Variants in PDLIM5 observed in about 807,000 individuals in gnomAD.
PDLIM5 encodes PDZ and LIM domain 5, also known as PDZ and LIM domain protein 5.
PDLIM5 carries 34 observed loss-of-function variants against 64.2 expected under a neutral mutation model. The ratio of observed to expected loss-of-function variants is 0.53; its 90% CI spans 0.40 to 0.71. The LOEUF (loss-of-function observed/expected upper bound fraction) is 0.71. Among genes scored for constraint, PDLIM5 ranks in the 30% least tolerant of loss-of-function variants. The pLI is 0.00. For synonymous variants in PDLIM5, 253 were observed against 269.1 expected, an observed-to-expected ratio of 0.94 and a Z score of 0.59; for missense variants, 683 against 733.6, an observed-to-expected ratio of 0.93 and a Z score of 0.80.
intron 2 of PDLIM5, among the ~76,000 whole-genome samples, chr4:94,505,719 A>G (rs1728334085): frequency 6.6e-6 from 1 of 152,216 alleles, no homozygotes; most frequent in Non-Finnish European, 1.5e-5. Flanking sequence ...AAAACAGTAC[A>G]GACGAACAGC....
intron 3 of PDLIM5, among the ~76,000 whole-genome samples, chr4:94,550,725 T>C (rs140371377): frequency 6.6e-6 from 1 of 152,282 alleles, no homozygotes; most frequent in East Asian, 1.9e-4. Flanking sequence ...TTATCCATAC[T>C]TGAGGAGCAA....
chr4:94,454,277 T>G (rs777797569), intron 1 of PDLIM5, among the ~76,000 whole-genome samples: 30 of 152,078 alleles, frequency 2.0e-4, no homozygotes, highest in Non-Finnish European at 3.7e-4. Context: ...AAAAGAAAAC[T>G]TCATTCCTCT....
chr4:94,627,016 A>T (rs115668959), intron 8 of PDLIM5, among the ~76,000 whole-genome samples: 2 of 152,194 alleles, frequency 1.3e-5, no homozygotes, highest in Non-Finnish European at 2.9e-5. Flanking sequence ...AAATTTGCCT[A>T]GCTAAGATGG....
At chr4:94,461,804 G>T (rs1016241702) in intron 2 of PDLIM5, among the ~76,000 whole-genome samples, 1 of 152,142 alleles carries the variant, frequency 6.6e-6, no homozygotes, top group Non-Finnish European at 1.5e-5. Flanking sequence ...AAATAGAGGA[G>T]AGTAAAATGA....
chr4:94,490,154 A>G (rs1472539843), intron 2 of PDLIM5, among the ~76,000 whole-genome samples: 1 of 151,996 alleles, frequency 6.6e-6, no homozygotes, highest in Admixed American at 6.6e-5. Flanking sequence ...ATTGAGTGTA[A>G]TAATTTGTAT....
intron 3 of PDLIM5, among the ~76,000 whole-genome samples, chr4:94,555,946 T>G (rs1171453446): frequency 6.6e-6 from 1 of 151,914 alleles, no homozygotes; most frequent in Non-Finnish European, 1.5e-5. Flanking sequence ...AAGGTACATG[T>G]GCACAACATT....
intron 2 of PDLIM5, among the ~76,000 whole-genome samples, chr4:94,494,890 A>T (rs1178582913): frequency 6.6e-6 from 1 of 152,056 alleles, no homozygotes. Context: ...CTGGGATTAC[A>T]GGTGCACGTC....
chr4:94,490,711 T>TC (rs1237621492), intron 2 of PDLIM5, among the ~76,000 whole-genome samples: 1 of 152,170 alleles, frequency 6.6e-6, no homozygotes, highest in Non-Finnish European at 1.5e-5. Context: ...TTGTTGTGGC[T>TC]CCTCTGCTAA....
At chr4:94,598,756 T>G (rs1737259577) in intron 7 of PDLIM5, among the ~76,000 whole-genome samples, 1 of 152,060 alleles carries the variant, frequency 6.6e-6, no homozygotes, top group African/African-American at 2.4e-5. Context: ...TTCTATAAAG[T>G]AATATAGTAC....
intron 2 of PDLIM5, among the ~76,000 whole-genome samples, chr4:94,491,727 C>T (rs1195588330): frequency 1.3e-5 from 2 of 151,980 alleles, no homozygotes. Context: ...TGATAGAAAT[C>T]TTTAACCTAC....
chr4:94,617,733 TTAAC>T lies in PDLIM5; in HGVS notation c.921-269_921-266del, dbSNP rs761462759. On this transcript the variant is annotated intron_variant, in intron 7 of 12. Coordinates refer to ENST00000317968, the MANE Select transcript of PDLIM5 (RefSeq NM_006457.5). ...GGGAGACTTTTATCATTTAAAATGATTAACTGTGTAAATTTTCAGTAGCCTAATT... is the reference window on the plus strand; with the variant it reads ...GGGAGACTTTTATCATTTAAAATGATTGTGTAAATTTTCAGTAGCCTAATT... Among the ~76,000 whole-genome samples, 7 of 152,042 alleles carry T rather than the reference TTAAC, an allele frequency of 4.6e-5. No individual in the cohort carries two copies. The East Asian group carries it at 7.7e-4, about 17-fold the overall frequency.
chr4:94,655,801 A>G (rs554324638), intron 10 of PDLIM5, among the ~76,000 whole-genome samples: 1 of 152,314 alleles, frequency 6.6e-6, no homozygotes, highest in South Asian at 2.1e-4. Flanking sequence ...ATTGCCTTGG[A>G]GATGGGCCAG....
At chr4:94,454,761 C>T (rs1439335077) in intron 1 of PDLIM5, among the ~76,000 whole-genome samples, 1 of 152,198 alleles carries the variant, frequency 6.6e-6, no homozygotes, top group Non-Finnish European at 1.5e-5. Flanking sequence ...ATTTGGAAAG[C>T]ATGAATGGGA....
intron 3 of PDLIM5, among the ~76,000 whole-genome samples, chr4:94,524,393 A>T (rs192813564): frequency 0.027 from 3,915 of 143,220 alleles, 197 homozygotes; most frequent in East Asian, 0.18. Flanking sequence ...AAAAAAAAAA[A>T]ATTGTGTATA....
intron 8 of PDLIM5, among the ~76,000 whole-genome samples, chr4:94,626,685 T>A (rs750631763): frequency 2.0e-4 from 30 of 152,268 alleles, no homozygotes; most frequent in Non-Finnish European, 2.6e-4. Context: ...CTTTTTTTTT[T>A]AATCATACCC....
chr4:94,594,717 A>G (rs540023301), intron 7 of PDLIM5, among the ~76,000 whole-genome samples: 8 of 152,242 alleles, frequency 5.3e-5, no homozygotes, highest in Non-Finnish European at 1.2e-4. Context: ...AATAATATCA[A>G]TCTTTGTAGT....
chr4:94,619,064 A>G (rs1226577562), intron 8 of PDLIM5, among the ~76,000 whole-genome samples: 4 of 152,194 alleles, frequency 2.6e-5, no homozygotes, highest in Admixed American at 2.6e-4. Context: ...CCTCAAATCC[A>G]GTATGTCTGA....
intron 2 of PDLIM5, among the ~76,000 whole-genome samples, chr4:94,516,294 T>C (rs1219480887): frequency 2.0e-5 from 3 of 152,216 alleles, no homozygotes; most frequent in Admixed American, 6.5e-5. Context: ...TTCTCCTCAT[T>C]GCTACCATAT....
intron 7 of PDLIM5, among the ~76,000 whole-genome samples, chr4:94,590,100 G>A (rs1275445353): frequency 1.3e-5 from 2 of 152,114 alleles, no homozygotes; most frequent in Non-Finnish European, 2.9e-5. Context: ...TTCTTACAGT[G>A]TTTTATTCAG....
Sources: gnomAD v4.1 joint callset for allele counts (sites outside exome capture counted in the v4.1 genomes callset) on GRCh38, gnomAD v4.1.1 for gene constraint, MANE v1.5 for transcripts, NCBI Gene and HGNC (gene_info 2026-07-23, HGNC 2026-07-21) for gene names.